Variants in DYSF observed in about 807,000 individuals in gnomAD.
DYSF encodes dysferlin.
A neutral mutation model predicts 274.9 loss-of-function variants in DYSF; 212 were observed. The ratio of observed to expected loss-of-function variants is 0.77; its 90% confidence interval spans 0.69 to 0.86. DYSF has a LOEUF of 0.86. Among genes scored for constraint, DYSF ranks in the 40% least tolerant of loss-of-function variants. The pLI, the probability that DYSF is intolerant of heterozygous loss-of-function variation, is 0.00. For synonymous variants in DYSF, 1,091 were observed against 1,078.7 expected, an observed-to-expected ratio of 1.01 and a Z score of -0.22; for missense variants, 2,666 against 2,783.2, an observed-to-expected ratio of 0.96 and a Z score of 0.95.
intron 30 of DYSF, among the ~76,000 whole-genome samples, chr2:71,574,789 T>A (rs915696501): frequency 6.6e-6 from 1 of 152,182 alleles, no homozygotes; most frequent in East Asian, 1.9e-4. Flanking sequence ...CATCTCATGG[T>A]CATCCCCAGC....
chr2:71,508,326 T>C (rs904741597), intron 4 of DYSF, among the ~76,000 whole-genome samples: 15 of 152,136 alleles, frequency 9.9e-5, no homozygotes, highest in Admixed American at 9.8e-4. Flanking sequence ...AACGATGAAA[T>C]TAACATGGAC....
chr2:71,676,860 C>T (rs2152965014), intron 52 of DYSF, among the ~76,000 whole-genome samples: 1 of 152,244 alleles, frequency 6.6e-6, no homozygotes, highest in Admixed American at 6.5e-5. Flanking sequence ...CACCTATAAG[C>T]TCACCATCCA....
intron 41 of DYSF, among the ~76,000 whole-genome samples, chr2:71,622,059 A>C (rs2094115346): frequency 1.5e-5 from 2 of 135,822 alleles, no homozygotes; most frequent in Non-Finnish European, 3.2e-5. Context: ...TATTTCTCCT[A>C]TTGTCTTCTT....
chr2:71,618,906 C>T (rs1247943384), intron 40 of DYSF, among the ~76,000 whole-genome samples: 3 of 151,412 alleles, frequency 2.0e-5, no homozygotes, highest in African/African-American at 7.3e-5. Flanking sequence ...CTGGGACTCC[C>T]AGGCTCCCAG....
rs200879908 is a variant in DYSF, at chr2:71,667,491, C to T, written c.5433C>T (p.Ser1811=). ...PEHVESRPLY[S]PLQPDIEQGK... The stretch of plus-strand genomic sequence containing the variant: ...ACGTGGAGTCACGGCCCCTCTACAG[C>T]CCCCTGCAGCCAGACATCGAGCAGG... The change falls in exon 48 of 56, where the codon AGC becomes AGT. Residue 1811 remains serine (S), a synonymous_variant. Coordinates refer to ENST00000410020, the MANE Select transcript of DYSF (RefSeq NM_001130987.2). 1.3e-5 allele frequency: 21 copies of T among 1,614,118 alleles called. No homozygotes were observed. In the East Asian group the frequency reaches 1.8e-4, roughly 14 times the overall value.
chr2:71,672,330 T>C (rs1339770172), intron 51 of DYSF, among the ~76,000 whole-genome samples: 1 of 152,084 alleles, frequency 6.6e-6, no homozygotes, highest in African/African-American at 2.4e-5. Flanking sequence ...TCTGGATGGG[T>C]TCGTGCAGGG....
At chr2:71,517,731 A>G (rs575525091) in intron 10 of DYSF, among the ~76,000 whole-genome samples, 1 of 152,258 alleles carries the variant, frequency 6.6e-6, no homozygotes, top group African/African-American at 2.4e-5. Context: ...TATATTTCAG[A>G]CGTCCTGAGA....
chr2:71,617,761 GGTGTGTGTGGTAGAGGTGGT>G (rs1353492736), intron 40 of DYSF, among the ~76,000 whole-genome samples: 1 of 83,446 alleles, frequency 1.2e-5, no homozygotes, highest in African/African-American at 4.7e-5. Context: ...GGGTAGAGGT[GGTGTGTGTGGTAGAGGTGGT>G]GTGTGTGTGG....
intron 1 of DYSF, among the ~76,000 whole-genome samples, chr2:71,467,495 A>G (rs1276728664): frequency 6.6e-6 from 1 of 152,210 alleles, no homozygotes; most frequent in Non-Finnish European, 1.5e-5. Flanking sequence ...TCTAAATTCA[A>G]GAAGCTAAGT....
intron 20 of DYSF, 49 bp from the exon 21 acceptor site, chr2:71,553,758 C>T (rs1559143462): frequency 1.5e-6 from 2 of 1,329,352 alleles, no homozygotes; most frequent in South Asian, 1.2e-5. Context: ...CCCCATCCCA[C>T]CCGCCCTCCA....
chr2:71,541,447 T>G (rs1459922330), intron 17 of DYSF, among the ~76,000 whole-genome samples: 1 of 152,178 alleles, frequency 6.6e-6, no homozygotes, highest in Admixed American at 6.5e-5. Context: ...TTTTTATAAT[T>G]TGAATAATTC....
chr2:71,481,060 G>A (rs955811454), intron 2 of DYSF, 122 bp downstream of exon 2: 18 of 1,001,682 alleles, frequency 1.8e-5, no homozygotes, highest in Non-Finnish European at 2.3e-5. Flanking sequence ...GGAGGGGCTG[G>A]TGGTCCAGCC....
At chr2:71,671,101 A>G (rs1327620367) in intron 51 of DYSF, among the ~76,000 whole-genome samples, 1 of 152,126 alleles carries the variant, frequency 6.6e-6, no homozygotes, top group Non-Finnish European at 1.5e-5. Context: ...CCAGCCTAAC[A>G]TGCAGGATCA....
chr2:71,543,180 C>T (rs2090103714), intron 17 of DYSF, among the ~76,000 whole-genome samples: 1 of 150,196 alleles, frequency 6.7e-6, no homozygotes, highest in Admixed American at 6.6e-5. Context: ...CCTCACTTCT[C>T]AGATGGAGTG....
At chr2:71,523,736 G>C (rs901686832) in intron 12 of DYSF, among the ~76,000 whole-genome samples, 2 of 151,852 alleles carry the variant, frequency 1.3e-5, no homozygotes, top group East Asian at 3.9e-4. Context: ...TAGTAGAGAC[G>C]GGGTTTCACC....
At chr2:71,619,611 G>C (rs189329448) in intron 40 of DYSF, among the ~76,000 whole-genome samples, 1 of 152,106 alleles carries the variant, frequency 6.6e-6, no homozygotes, top group Non-Finnish European at 1.5e-5. Flanking sequence ...GGCCAGCCCC[G>C]GCAGCTCTGG....
chr2:71,578,306 C>T (rs1214444760), intron 30 of DYSF, among the ~76,000 whole-genome samples: 1 of 152,160 alleles, frequency 6.6e-6, no homozygotes, highest in Non-Finnish European at 1.5e-5. Context: ...GGGTGCCCTT[C>T]TGAGAGAGGC....
intron 3 of DYSF, among the ~76,000 whole-genome samples, chr2:71,490,579 G>A (rs1306798382): frequency 4.6e-5 from 7 of 152,256 alleles, no homozygotes; most frequent in East Asian, 1.9e-4. Flanking sequence ...CGCCTGCCTC[G>A]GCCTTCCAAA....
intron 11 of DYSF, 104 bp from the exon 12 acceptor site, chr2:71,520,685 T>A: frequency 8.6e-6 from 8 of 934,154 alleles, no homozygotes; most frequent in East Asian, 2.4e-5. Context: ...GCCCAGCGGA[T>A]GAGTCCTTTA....
Sources: gnomAD v4.1 joint callset for allele counts (sites outside exome capture counted in the v4.1 genomes callset) on GRCh38, gnomAD v4.1.1 for gene constraint, MANE v1.5 for transcripts, NCBI Gene and HGNC (gene_info 2026-07-23, HGNC 2026-07-21) for gene names.